Variants in ZNF385D observed in about 807,000 individuals in gnomAD.
ZNF385D encodes the protein zinc finger protein 659.
Under a neutral mutation model 35.8 loss-of-function variants are expected in ZNF385D, and 15 were observed. The observed-to-expected ratio is 0.42, with a 90% CI of 0.28 to 0.64. The LOEUF (loss-of-function observed/expected upper bound fraction) is 0.64, where lower values mean the gene tolerates loss of function less well. Among genes scored for constraint, ZNF385D ranks in the 30% least tolerant of loss-of-function variants. The probability of loss-of-function intolerance (pLI) is 0.23; values close to 1 mark genes in which losing one functional copy is unlikely to be tolerated. For missense variants in ZNF385D, 474 were observed against 494.6 expected (o/e 0.96, Z 0.39); for synonymous variants, 212 against 186.8 (o/e 1.13, Z -1.10).
rs74529282 is a variant in ZNF385D, at chr3:22,323,328, C to T, written c.106+49122G>A. On this transcript the variant is annotated intron_variant, in intron 2 of 5. Transcript: ENST00000494108. ...ATGCCCATCGTTGATAAAACATTTT[C>T]CATTATCTCTGATGCTAATAAGGCC... Among the ~76,000 whole-genome samples, 1,032 of 152,246 alleles carry T rather than the reference C, an allele frequency of 6.8e-3. 12 individuals carry two copies. Among genetic ancestry groups the T allele is most frequent in the African/African-American group, 0.024 (994 of 41,534 alleles).
intron 2 of ZNF385D, among the ~76,000 whole-genome samples, chr3:21,613,377 T>A (rs2064746120): frequency 6.6e-6 from 1 of 152,028 alleles, no homozygotes; most frequent in African/African-American, 2.4e-5. Flanking sequence ...TATGTTTTTA[T>A]AGTCTTACTT....
At chr3:21,791,795 C>T (rs918237947) in intron 3 of ZNF385D, among the ~76,000 whole-genome samples, 4 of 152,138 alleles carry the variant, frequency 2.6e-5, no homozygotes, top group Admixed American at 1.3e-4. Context: ...AGTGTAGTGG[C>T]GCGATCTCGG....
intron 3 of ZNF385D, among the ~76,000 whole-genome samples, chr3:21,851,729 G>A (rs79086322): frequency 0.048 from 7,269 of 151,818 alleles, 592 homozygotes; most frequent in African/African-American, 0.16. Flanking sequence ...CCTCCTACAC[G>A]TCCCCACTGC....
rs559559802 is a variant in ZNF385D, at chr3:22,308,732, C to A, written c.106+63718G>T. The stretch of plus-strand genomic sequence containing the variant: ...TATTCTGAGAAAATAAAGTAGTGGC[C>A]AAAAGAGGCCATATTGCAGAATTAA... On this transcript the variant is annotated intron_variant, in intron 2 of 5. Coordinates refer to the ZNF385D transcript ENST00000494108. Among the ~76,000 whole-genome samples the A allele has an allele frequency of 6.8e-4, 103 of 151,970 alleles. 1 individual carries two copies. Among genetic ancestry groups the A allele is most frequent in the African/African-American group, 2.3e-3 (94 of 41,478 alleles).
intron 3 of ZNF385D, among the ~76,000 whole-genome samples, chr3:22,044,672 T>C (rs1220759504): frequency 1.3e-5 from 2 of 152,120 alleles, no homozygotes; most frequent in African/African-American, 4.8e-5. Flanking sequence ...ATTTATCCTT[T>C]GCTAAGAGCC....
chr3:21,888,680 A>C (rs887962082), intron 3 of ZNF385D, among the ~76,000 whole-genome samples: 5 of 152,242 alleles, frequency 3.3e-5, no homozygotes, highest in African/African-American at 1.2e-4. Context: ...GAGAAGGGCA[A>C]GTAGAGGGTA....
intron 2 of ZNF385D, among the ~76,000 whole-genome samples, chr3:22,262,615 T>C (rs1409252045): frequency 6.6e-6 from 1 of 151,986 alleles, no homozygotes; most frequent in Non-Finnish European, 1.5e-5. Context: ...TAACTAAGAA[T>C]ACTTTTTCAG....
intron 2 of ZNF385D, among the ~76,000 whole-genome samples, chr3:21,660,975 C>T (rs1300844018): frequency 6.6e-6 from 1 of 152,176 alleles, no homozygotes; most frequent in African/African-American, 2.4e-5. Flanking sequence ...CTTATATGCC[C>T]ATGGATCCTT....
At chr3:22,266,638 C>G (rs925344989) in intron 2 of ZNF385D, among the ~76,000 whole-genome samples, 1 of 151,840 alleles carries the variant, frequency 6.6e-6, no homozygotes, top group Non-Finnish European at 1.5e-5. Flanking sequence ...TGAATAGTTA[C>G]GATAGACACT....
intron 3 of ZNF385D, among the ~76,000 whole-genome samples, chr3:22,007,699 TCAGTA>T (rs895366418): frequency 7.2e-5 from 11 of 152,318 alleles, no homozygotes; most frequent in Admixed American, 7.2e-4. Flanking sequence ...AAATGATAAT[TCAGTA>T]TAGTTTTAGT....
chr3:21,600,900 T>C (rs867452049), intron 2 of ZNF385D, among the ~76,000 whole-genome samples: 1 of 151,766 alleles, frequency 6.6e-6, no homozygotes, highest in Admixed American at 6.6e-5. Flanking sequence ...AAGGGATGAA[T>C]AGATTAAAAG....
chr3:21,437,015 T>C lies in ZNF385D; in HGVS notation c.628A>G (p.Lys210Glu), dbSNP rs546341794. ...AKRLLYCSLC[K>E]VAVNSASQLE... The stretch of plus-strand genomic sequence containing the variant: ...TGCGAGGCAGAGTTGACAGCAACCT[T>C]GCATAGCGAACAGTAAAGAAGCCGT... The change falls in exon 5 of 8, where the codon AAG becomes GAG. Residue 210 changes from lysine (K) to glutamate (E), a missense_variant. Transcript: ENST00000281523. 3 of 1,613,988 alleles carry C rather than the reference T, an allele frequency of 1.9e-6. No individual in the cohort carries two copies. Among genetic ancestry groups the C allele is most frequent in the East Asian group, 2.2e-5 (1 of 44,878 alleles).
At chr3:21,949,064 A>G in intron 3 of ZNF385D, among the ~76,000 whole-genome samples, 1 of 152,212 alleles carries the variant, frequency 6.6e-6, no homozygotes, top group Non-Finnish European at 1.5e-5. Flanking sequence ...ACTTACATGT[A>G]TTTAGTTACT....
In ZNF385D at chr3:21,416,656, A is replaced by C. The variant is rs1034058179; in HGVS notation, c.*4558T>G. 1 of 152,162 alleles carries C rather than the reference A, an allele frequency of 6.6e-6. No individual in the cohort carries two copies. The highest frequency in any genetic ancestry group is 1.5e-5 in the Non-Finnish European group (1 of 68,024). 9.4% of individuals were successfully genotyped at this position (152,162 alleles called of 1,614,324 possible). A position where few individuals can be genotyped will look rare whatever the true frequency, so the allele number is the denominator to read the frequency against. On this transcript the variant is annotated 3_prime_UTR_variant, in exon 8 of 8. Coordinates refer to ENST00000281523, the MANE Select transcript of ZNF385D (RefSeq NM_024697.3). ...GTAGAAAGAAAAAAAAATCAGCAAA[A>C]GTCAGGTAAAACTTTCACTGTTAGG...
chr3:21,704,830 A>G (rs2067838438), intron 1 of ZNF385D, among the ~76,000 whole-genome samples: 1 of 152,254 alleles, frequency 6.6e-6, no homozygotes. Flanking sequence ...AATAAACTAT[A>G]TAATCTCACA....
At chr3:21,967,747 C>A (rs1288469086) in intron 3 of ZNF385D, among the ~76,000 whole-genome samples, 1 of 152,210 alleles carries the variant, frequency 6.6e-6, no homozygotes, top group Non-Finnish European at 1.5e-5. Context: ...GCATTTAGGA[C>A]TTGAGTGACC....
chr3:21,565,843 A>T (rs1292543611), intron 2 of ZNF385D, among the ~76,000 whole-genome samples: 2 of 152,222 alleles, frequency 1.3e-5, no homozygotes, highest in Non-Finnish European at 2.9e-5. Flanking sequence ...ATTATTTGAT[A>T]CACTCAAAAG....
intron 3 of ZNF385D, among the ~76,000 whole-genome samples, chr3:21,953,348 C>T (rs485483): frequency 0.26 from 39,618 of 151,178 alleles, 5,897 homozygotes; most frequent in Admixed American, 0.41. Context: ...CTGGAAAAAA[C>T]GTAAAATTGA....
chr3:21,595,761 T>A (rs1208843520), intron 2 of ZNF385D, among the ~76,000 whole-genome samples: 1 of 152,164 alleles, frequency 6.6e-6, no homozygotes, highest in Admixed American at 6.6e-5. Flanking sequence ...ACAGCAGAAA[T>A]AATGATAAAG....
Sources: gnomAD v4.1 joint callset for allele counts (sites outside exome capture counted in the v4.1 genomes callset) on GRCh38, gnomAD v4.1.1 for gene constraint, MANE v1.5 for transcripts, NCBI Gene and HGNC (gene_info 2026-07-23, HGNC 2026-07-21) for gene names.